THOC2: variants seen among roughly 807,000 people sequenced by gnomAD.
THOC2 encodes THO complex subunit 2, also known as THO complex 2.
Under a neutral mutation model 128.4 loss-of-function variants are expected in THOC2, and 10 were observed. That is an observed-to-expected ratio of 0.08 (90% CI 0.05 to 0.13). The LOEUF (loss-of-function observed/expected upper bound fraction) is 0.13. THOC2 is among the 10% of genes least tolerant of loss of function. The probability of loss-of-function intolerance (pLI) is 1.00; values close to 1 mark genes in which losing one functional copy is unlikely to be tolerated. For synonymous variants in THOC2, 393 were observed against 396.9 expected (o/e 0.99, Z 0.12); for missense variants, 535 against 1,155.7 (o/e 0.46, Z 7.79).
intron 1 of THOC2, among the ~76,000 whole-genome samples, chrX:123,725,121 A>G (rs893949087): frequency 9.3e-6 from 1 of 107,465 alleles, no homozygotes; most frequent in Non-Finnish European, 1.9e-5. Context: ...AAAAACAAAG[A>G]AAGAAAATGT....
At chrX:123,701,692 CAA>C (rs397972574) in intron 4 of THOC2, among the ~76,000 whole-genome samples, 4 of 81,168 alleles carry the variant, frequency 4.9e-5, no homozygotes, top group Non-Finnish European at 5.1e-5. Context: ...TATTTATTTG[CAA>C]AAAAAAAAAA....
At chrX:123,625,246 C>CA (rs1483819899) in intron 25 of THOC2, among the ~76,000 whole-genome samples, 2 of 110,371 alleles carry the variant, frequency 1.8e-5, no homozygotes, top group African/African-American at 6.6e-5. Context: ...CACCCACCAC[C>CA]ACACCCGGCT....
At chrX:123,676,314 T>G (rs2049489264) in intron 8 of THOC2, among the ~76,000 whole-genome samples, 2 of 111,669 alleles carry the variant, frequency 1.8e-5, no homozygotes, top group South Asian at 7.4e-4. Flanking sequence ...AGGGAGCAGG[T>G]AGCCAGATTA....
At chrX:123,729,871 T>C (rs1486903942) in intron 1 of THOC2, among the ~76,000 whole-genome samples, 11 of 112,222 alleles carry the variant, frequency 9.8e-5, no homozygotes, top group Non-Finnish European at 1.9e-4. Context: ...TGCTAACACC[T>C]ATCTTTAGGA....
chrX:123,637,055 T>C (rs1036284735), intron 18 of THOC2, among the ~76,000 whole-genome samples: 1 of 111,387 alleles, frequency 9.0e-6, no homozygotes, highest in Non-Finnish European at 1.9e-5. Flanking sequence ...GAGTGGGCCA[T>C]GAAGGGTATT....
chrX:123,716,685 C>T (rs2051429929), intron 1 of THOC2, among the ~76,000 whole-genome samples: 1 of 103,487 alleles, frequency 9.7e-6, no homozygotes, highest in Non-Finnish European at 2.0e-5. Context: ...GTCAAAATGG[C>T]GCCACTGCAC....
chrX:123,620,501 C>G (rs1214630529), intron 32 of THOC2: 1 of 118,814 alleles, frequency 8.4e-6, no homozygotes, highest in East Asian at 2.6e-4. Flanking sequence ...TCAGAGGTAA[C>G]TTGTTTATCT....
chrX:123,703,880 ACT>A (rs1254414149), intron 3 of THOC2, among the ~76,000 whole-genome samples: 13 of 74,775 alleles, frequency 1.7e-4, no homozygotes, highest in African/African-American at 5.3e-4. Flanking sequence ...AACAGAGGAA[ACT>A]CTGTCTTTAA....
At chrX:123,631,576 G>T in intron 22 of THOC2, 112 bp downstream of exon 22, 1 of 828,841 alleles carries the variant, frequency 1.2e-6, no homozygotes, top group Non-Finnish European at 1.7e-6. Context: ...AGGGATCCTA[G>T]TTTAGGGCCA....
chrX:123,691,891 A>C (rs2050234922), intron 7 of THOC2, among the ~76,000 whole-genome samples: 1 of 112,510 alleles, frequency 8.9e-6, no homozygotes, highest in East Asian at 2.8e-4. Flanking sequence ...CTGTTTTTGT[A>C]AATAACATTT....
At chrX:123,692,344 A>C (rs1193282857) in intron 7 of THOC2, among the ~76,000 whole-genome samples, 1 of 111,744 alleles carries the variant, frequency 8.9e-6, no homozygotes, top group Non-Finnish European at 1.9e-5. Flanking sequence ...GTATTTAATA[A>C]GTTGTTCAAA....
intron 36 of THOC2, among the ~76,000 whole-genome samples, chrX:123,612,098 G>C (rs1483841539): frequency 9.0e-6 from 1 of 111,537 alleles, no homozygotes; most frequent in Non-Finnish European, 1.9e-5. Flanking sequence ...TACAGCCACT[G>C]TCTAAAAGAT....
chrX:123,700,047 C>T (rs2050625236), intron 4 of THOC2, among the ~76,000 whole-genome samples: 1 of 110,999 alleles, frequency 9.0e-6, no homozygotes, highest in African/African-American at 3.3e-5. Flanking sequence ...TTAATTTCCC[C>T]TATGATTTCA....
chrX:123,655,199 T>A (rs1047238163), intron 12 of THOC2, among the ~76,000 whole-genome samples: 3 of 112,033 alleles, frequency 2.7e-5, no homozygotes, highest in Middle Eastern at 4.6e-3. Context: ...GTACTCACTA[T>A]GTGCCACGTA....
intron 1 of THOC2, among the ~76,000 whole-genome samples, chrX:123,718,579 G>A (rs1349867946): frequency 3.6e-5 from 4 of 111,245 alleles, no homozygotes; most frequent in African/African-American, 1.3e-4. Flanking sequence ...GACCAACATG[G>A]AGAAACCCTT....
At chrX:123,637,170 G>A (rs2047705393) in intron 18 of THOC2, among the ~76,000 whole-genome samples, 1 of 111,585 alleles carries the variant, frequency 9.0e-6, no homozygotes, top group African/African-American at 3.3e-5. Context: ...GGCTAGAACA[G>A]TGCAAAAGGA....
chrX:123,602,252 A>T (rs1470680719), intron 38 of THOC2: 1 of 112,794 alleles, frequency 8.9e-6, no homozygotes, highest in South Asian at 3.7e-4. Flanking sequence ...CACCATGTAT[A>T]ATCTTGATAT....
In THOC2 at chrX:123,620,824, A is replaced by G. The variant is rs1372595331; in HGVS notation, c.4275+83T>C. ...CCAGTGGCTCCAGTGAATGCTTGGC[A>G]TAAGACTTGAAGGAAGTCAGGACAC... On this transcript the variant is annotated intron_variant, in intron 32 of 38. Coordinates refer to ENST00000245838, the MANE Select transcript of THOC2 (RefSeq NM_001081550.2). 1.7e-5 allele frequency: 16 copies of G among 953,383 alleles called. No homozygotes were observed. In the South Asian group the frequency reaches 2.2e-4, roughly 13 times the overall value. 78.6% of individuals were successfully genotyped at this position (953,383 alleles called of 1,213,427 possible).
At position 123,693,241 on chromosome X, in the gene THOC2, T is replaced by C. The variant is rs193229183; in HGVS notation, c.601+2780A>G. Among the ~76,000 whole-genome samples the C allele has an allele frequency of 7.7e-3, 863 of 112,289 alleles. 6 individuals are homozygous for C. Among genetic ancestry groups the C allele is most frequent in the African/African-American group, 0.026 (802 of 30,921 alleles). On this transcript the variant is annotated intron_variant, in intron 7 of 38. Transcript: ENST00000245838. Reference sequence around the variant, plus strand: ...TGGGAGGCTGAGGCAGGTGGATCACTTGAGGCCAGGAGTTCGAGACCAGCC... The same window carrying C: ...TGGGAGGCTGAGGCAGGTGGATCACCTGAGGCCAGGAGTTCGAGACCAGCC...
Sources: allele counts gnomAD v4.1 joint callset (sites outside exome capture counted in the v4.1 genomes callset), GRCh38; gene constraint gnomAD v4.1.1; transcripts MANE v1.5; gene names NCBI Gene and HGNC (gene_info 2026-07-23, HGNC 2026-07-21).